NACC1: variants seen among roughly 807,000 people sequenced by gnomAD.
NACC1 encodes the protein nucleus accumbens associated 1, also known as nucleus accumbens-associated protein 1.
Under a neutral mutation model 41.7 loss-of-function variants are expected in NACC1, and 6 were observed. The observed-to-expected ratio is 0.14, with a 90% CI of 0.08 to 0.28. The LOEUF is 0.28. Among genes scored for constraint, NACC1 ranks in the 10% least tolerant of loss-of-function variants. The pLI is 1.00. For synonymous variants in NACC1, 338 were observed against 330.6 expected (o/e 1.02, Z -0.24); for missense variants, 434 against 763.7 (o/e 0.57, Z 5.09).
In NACC1 at chr19:13,120,534, C is replaced by T. The variant is rs115869468; in HGVS notation, c.-9+2080C>T. ...CCCAGTCTCCCTATAGTTCCCAGGA[C>T]ACCCTCCAACCTGGGCCCTGCCCTT... On this transcript the variant is annotated intron_variant, in intron 1 of 5. Coordinates refer to ENST00000292431, the MANE Select transcript of NACC1 (RefSeq NM_052876.4). Among the ~76,000 whole-genome samples the T allele has an allele frequency of 2.0e-3, 309 of 152,306 alleles. 1 individual carries two copies. Among genetic ancestry groups the T allele is most frequent in the African/African-American group, 7.2e-3 (300 of 41,560 alleles).
rs773923594 is a variant in NACC1, at chr19:13,137,602, C to T, written c.1324+27C>T. 6.5e-6 allele frequency: 10 copies of T among 1,539,590 alleles called. No individual in the cohort carries two copies. In the South Asian group the frequency reaches 7.2e-5, roughly 11 times the overall value. ...TGAGTGTTGGCCCAGCTGGACGAGGCGTGGGCCCGGGGCACGCAGGTTGAC... is the reference window on the plus strand; with the variant it reads ...TGAGTGTTGGCCCAGCTGGACGAGGTGTGGGCCCGGGGCACGCAGGTTGAC... On this transcript the variant is annotated intron_variant, in intron 5 of 5. Coordinates refer to ENST00000292431, the MANE Select transcript of NACC1 (RefSeq NM_052876.4). This position sits in a 1 kb window ranked among gnomAD's most constrained non-coding sequence, Gnocchi z 6.1.
chr19:13,122,453 C>T (rs554163988), intron 1 of NACC1, among the ~76,000 whole-genome samples: 132 of 149,346 alleles, frequency 8.8e-4, no homozygotes, highest in Non-Finnish European at 1.5e-3. Context: ...TGCTGTGATT[C>T]GCAACTGGGT....
At chr19:13,118,539 C>T (rs962847433) in intron 1 of NACC1, 85 bp downstream of exon 1, 12 of 151,126 alleles carry the variant, frequency 7.9e-5, no homozygotes, top group African/African-American at 2.7e-4. Context: ...TGGGTGCTTT[C>T]TCGGACCGAG....
At chr19:13,119,359 G>T (rs1404699183) in intron 1 of NACC1, among the ~76,000 whole-genome samples, 3 of 152,274 alleles carry the variant, frequency 2.0e-5, no homozygotes, top group Admixed American at 1.3e-4. Flanking sequence ...GCACTGGCCA[G>T]TGGGTGTTTG....
At chr19:13,121,182 T>C (rs2019486832) in intron 1 of NACC1, among the ~76,000 whole-genome samples, 1 of 152,092 alleles carries the variant, frequency 6.6e-6, no homozygotes. Flanking sequence ...AATAATAATG[T>C]TAGCTAAGGG....
intron 1 of NACC1, among the ~76,000 whole-genome samples, chr19:13,133,699 C>T (rs2019663295): frequency 6.6e-6 from 1 of 152,146 alleles, no homozygotes; most frequent in African/African-American, 2.4e-5. Flanking sequence ...ATTGTTTCCA[C>T]CTTTGGGCTA....
intron 1 of NACC1, among the ~76,000 whole-genome samples, chr19:13,124,022 C>A (rs780710673): frequency 6.6e-6 from 1 of 152,154 alleles, no homozygotes; most frequent in Non-Finnish European, 1.5e-5. Context: ...GTAGGGGACA[C>A]TGTTACTAAT....
Position 13,137,073 on chromosome 19 carries a change from G to T in NACC1, c.1121-198G>T, listed in dbSNP as rs925308934. ...TCTGTCCTTTCCTGAGCACTGATGA[G>T]GTTGGGGGAGCCCCAAGGAGCCTCC... On this transcript the variant is annotated intron_variant, in intron 3 of 5. Transcript: ENST00000292431. This position sits in a 1 kb window ranked among gnomAD's most constrained non-coding sequence, Gnocchi z 6.1. Among the ~76,000 whole-genome samples, 1 of 152,214 alleles carries T rather than the reference G, an allele frequency of 6.6e-6. No individual in the cohort carries two copies. The highest frequency in any genetic ancestry group is 1.5e-5 in the Non-Finnish European group (1 of 68,030).
At chr19:13,120,641 C>A (rs2019478043) in intron 1 of NACC1, among the ~76,000 whole-genome samples, 1 of 152,222 alleles carries the variant, frequency 6.6e-6, no homozygotes, top group African/African-American at 2.4e-5. Flanking sequence ...AACCATCCTT[C>A]CTGGCTGGTT....
At chr19:13,124,206 C>T (rs1009976480) in intron 1 of NACC1, among the ~76,000 whole-genome samples, 8 of 152,034 alleles carry the variant, frequency 5.3e-5, no homozygotes, top group African/African-American at 1.9e-4. Context: ...TTGAGACCAG[C>T]CTGGCCAACA....
intron 1 of NACC1, among the ~76,000 whole-genome samples, chr19:13,119,225 A>G (rs1034975171): frequency 8.6e-5 from 13 of 152,028 alleles, no homozygotes; most frequent in Admixed American, 6.6e-4. Flanking sequence ...GGTATATACT[A>G]AGATGCGCCC....
intron 1 of NACC1, among the ~76,000 whole-genome samples, chr19:13,133,503 T>C (rs1334531734): frequency 6.6e-6 from 1 of 152,218 alleles, no homozygotes; most frequent in Non-Finnish European, 1.5e-5. Context: ...CCTGGACATT[T>C]CCTATAAATG....
At chr19:13,128,753 C>T (rs2019595828) in intron 1 of NACC1, among the ~76,000 whole-genome samples, 1 of 152,228 alleles carries the variant, frequency 6.6e-6, no homozygotes, top group Admixed American at 6.5e-5. Context: ...ACTTTGTCAC[C>T]ATTGTGGCCT....
At chr19:13,130,591 A>G (rs1451859824) in intron 1 of NACC1, among the ~76,000 whole-genome samples, 2 of 129,972 alleles carry the variant, frequency 1.5e-5, no homozygotes, top group Admixed American at 9.3e-5. Context: ...GCTGGAGTGT[A>G]GTGACTCGAT....
In NACC1 at chr19:13,135,534, C is replaced by G; in HGVS notation, c.327C>G (p.Ile109Met). The change falls in exon 2 of 6, where the codon ATC becomes ATG. Residue 109 changes from isoleucine (I) to methionine (M), a missense_variant. Transcript: ENST00000292431. ...LLMYTAGFLQ[I>M]QEIMEKGTEF... is the part of the protein sequence containing the mutation. ...TGTACACGGCTGGCTTCCTGCAGAT[C>G]CAGGAGATCATGGAGAAGGGCACCG... is the stretch of plus-strand genomic sequence containing the variant. The G allele has an allele frequency of 6.2e-7, 1 of 1,613,182 alleles. No homozygotes were observed. Among genetic ancestry groups the G allele is most frequent in the Non-Finnish European group, 8.5e-7 (1 of 1,179,738 alleles).
chr19:13,130,533 TTC>T (rs2019620824), intron 1 of NACC1, among the ~76,000 whole-genome samples: 1 of 148,922 alleles, frequency 6.7e-6, no homozygotes. Context: ...CTTTTTTCTT[TTC>T]TTTTTTTTTT....
chr19:13,130,168 T>C (rs374530701), intron 1 of NACC1, among the ~76,000 whole-genome samples: 4 of 152,076 alleles, frequency 2.6e-5, no homozygotes, highest in African/African-American at 7.2e-5. Flanking sequence ...CCTCTAACTT[T>C]TTGGCTCAAG....
chr19:13,127,731 C>T (rs370102545), intron 1 of NACC1, among the ~76,000 whole-genome samples: 4 of 151,620 alleles, frequency 2.6e-5, no homozygotes, highest in African/African-American at 9.7e-5. Context: ...CCTGTGGTCC[C>T]AGCTATTTGG....
At chr19:13,133,520 A>G (rs564778351) in intron 1 of NACC1, among the ~76,000 whole-genome samples, 1 of 152,144 alleles carries the variant, frequency 6.6e-6, no homozygotes, top group African/African-American at 2.4e-5. Flanking sequence ...AATGGATCAT[A>G]CAATCTGTGG....
Sources: allele counts gnomAD v4.1 joint callset (sites outside exome capture counted in the v4.1 genomes callset), GRCh38; gene constraint gnomAD v4.1.1; non-coding constraint Gnocchi (gnomAD v3.1); transcripts MANE v1.5; gene names NCBI Gene and HGNC (gene_info 2026-07-23, HGNC 2026-07-21).